The following CACNB2 variants were observed in gnomAD, a reference collection of about 807,000 sequenced individuals.
CACNB2 encodes the protein calcium voltage-gated channel auxiliary subunit beta 2, also known as voltage-dependent L-type calcium channel subunit beta-2.
CACNB2 carries 42 observed loss-of-function variants against 73.3 expected under a neutral mutation model. That is an observed-to-expected ratio of 0.57 (90% CI 0.45 to 0.74). The LOEUF (loss-of-function observed/expected upper bound fraction) is 0.74. Among genes scored for constraint, CACNB2 ranks in the 30% least tolerant of loss-of-function variants. CACNB2 has a pLI of 0.00. For synonymous variants in CACNB2, 348 were observed against 310.3 expected (o/e 1.12, Z -1.28); for missense variants, 940 against 853.0 (o/e 1.10, Z -1.27).
chr10:18,368,050 T>C (rs1234654609), intron 2 of CACNB2, among the ~76,000 whole-genome samples: 5 of 152,172 alleles, frequency 3.3e-5, no homozygotes, highest in Non-Finnish European at 7.4e-5. Context: ...TCACTTTTTG[T>C]CATATGGCCA....
Position 18,541,507 on chromosome 10 carries a change from G to C in CACNB2, c.*1783G>C, listed in dbSNP as rs1203999788. 3.3e-5 allele frequency: 5 copies of C among 152,128 alleles called. No individual in the cohort carries two copies. The highest frequency in any genetic ancestry group is 3.3e-4 in the Admixed American group (5 of 15,264). 9.4% of individuals were successfully genotyped at this position (152,128 alleles called of 1,614,324 possible). On this transcript the variant is annotated 3_prime_UTR_variant, in exon 14 of 14. Coordinates refer to ENST00000324631, the MANE Select transcript of CACNB2 (RefSeq NM_201596.3). ...TGCAAGTACCTGGCACTTGAAGTTTGTCCCAGGAAAATGCCTGTGTATAAT... is the reference window on the plus strand; with the variant it reads ...TGCAAGTACCTGGCACTTGAAGTTTCTCCCAGGAAAATGCCTGTGTATAAT...
rs2053973447 is a variant in CACNB2, at chr10:18,539,875, G to T, written c.*151G>T. 3 of 826,506 alleles carry T rather than the reference G, an allele frequency of 3.6e-6. No individual in the cohort carries two copies. Among genetic ancestry groups the T allele is most frequent in the African/African-American group, 3.4e-5 (2 of 58,308 alleles). 51.2% of individuals were successfully genotyped at this position (826,506 alleles called of 1,614,324 possible). ...TATTGCTGTTGCTTGAATAGCAATA[G>T]CATGGATAGAGTATTGAGATACTTT... On this transcript the variant is annotated 3_prime_UTR_variant, in exon 14 of 14. Transcript: ENST00000324631.
chr10:18,208,540 A>G (rs1028136811), intron 2 of CACNB2, among the ~76,000 whole-genome samples: 1 of 152,078 alleles, frequency 6.6e-6, no homozygotes, highest in Non-Finnish European at 1.5e-5. Context: ...TGAGCCCAGG[A>G]GTTGGAGGCT....
intron 3 of CACNB2, among the ~76,000 whole-genome samples, chr10:18,484,972 T>C (rs1192149893): frequency 1.3e-5 from 2 of 151,886 alleles, no homozygotes; most frequent in Non-Finnish European, 2.9e-5. Context: ...CTGGACAACA[T>C]AGTGAAACCC....
chr10:18,408,780 G>T (rs1221684490), intron 3 of CACNB2, among the ~76,000 whole-genome samples: 1 of 152,140 alleles, frequency 6.6e-6, no homozygotes, highest in Admixed American at 6.5e-5. Context: ...GTTCTTTAGG[G>T]ATGAGATTAT....
At chr10:18,450,535 C>A (rs187015417) in intron 3 of CACNB2, among the ~76,000 whole-genome samples, 1 of 152,124 alleles carries the variant, frequency 6.6e-6, no homozygotes, top group East Asian at 1.9e-4. Flanking sequence ...TGTTCCTTCT[C>A]ACTGCTTCTT....
chr10:18,328,608 T>C (rs1430064651), intron 2 of CACNB2, among the ~76,000 whole-genome samples: 1 of 152,204 alleles, frequency 6.6e-6, no homozygotes, highest in African/African-American at 2.4e-5. Context: ...ATTCACATCA[T>C]CAAAGACTGA....
chr10:18,385,715 C>A (rs2043205337), intron 2 of CACNB2, among the ~76,000 whole-genome samples: 1 of 151,254 alleles, frequency 6.6e-6, no homozygotes, highest in Non-Finnish European at 1.5e-5. Context: ...GAAAAATACT[C>A]TCTGATGGTT....
Position 18,523,439 on chromosome 10 carries a change from TTTTA to T in CACNB2, c.945-4144_945-4141del, listed in dbSNP as rs542673489. Among the ~76,000 whole-genome samples the T allele has an allele frequency of 2.8e-3, 430 of 152,286 alleles. 3 individuals carry two copies. The highest frequency in any genetic ancestry group is 9.9e-3 in the African/African-American group (410 of 41,558). On this transcript the variant is annotated intron_variant, in intron 9 of 13. Coordinates refer to ENST00000324631, the MANE Select transcript of CACNB2 (RefSeq NM_201596.3). ...CGAGTGTATCAGCCACCCAGATTGG[TTTTA>T]TTTAAGAAACAGATAAACAAAATAT...
At chr10:18,483,423 C>T (rs535470983) in intron 3 of CACNB2, among the ~76,000 whole-genome samples, 13 of 150,398 alleles carry the variant, frequency 8.6e-5, no homozygotes, top group Non-Finnish European at 8.9e-5. Flanking sequence ...CCCAGCTACT[C>T]GGGAGGCTGA....
chr10:18,169,207 T>A (rs1032508458), intron 2 of CACNB2, among the ~76,000 whole-genome samples: 10 of 150,658 alleles, frequency 6.6e-5, no homozygotes, highest in South Asian at 4.2e-4. Flanking sequence ...TTAAAAAAAA[T>A]AAGTTTAATT....
chr10:18,230,372 C>T (rs1358875467), intron 2 of CACNB2, among the ~76,000 whole-genome samples: 1 of 152,066 alleles, frequency 6.6e-6, no homozygotes, highest in Non-Finnish European at 1.5e-5. Context: ...GTTGCCTGTT[C>T]CCTCGATCTT....
chr10:18,150,853 G>GTATTTTTTTTTT lies in CACNB2; in HGVS notation c.121-29_121-28insATTTTTTTTTTT, dbSNP rs756678637. 3.1e-5 allele frequency: 20 copies of GTATTTTTTTTTT among 655,450 alleles called. 1 individual carries two copies. Among genetic ancestry groups the GTATTTTTTTTTT allele is most frequent in the East Asian group, 6.3e-5 (1 of 15,954 alleles). The allele number at this position is 655,450 out of a possible 1,614,324, so 40.6% of individuals were successfully genotyped here. A position where few individuals can be genotyped will look rare whatever the true frequency, so the allele number is the denominator to read the frequency against. On this transcript the variant is annotated intron_variant, in intron 1 of 13. Coordinates refer to ENST00000324631, the MANE Select transcript of CACNB2 (RefSeq NM_201596.3). ...AAAGGGTCTCATAATAATCTTATTTGTCTTTTTTTTTTTTTTTTTTTTTTT... is the reference window on the plus strand; with the variant it reads ...AAAGGGTCTCATAATAATCTTATTTGTATTTTTTTTTTTCTTTTTTTTTTTTTTTTTTTTTTT...
At chr10:18,264,428 A>G (rs1234206272) in intron 2 of CACNB2, among the ~76,000 whole-genome samples, 1 of 152,214 alleles carries the variant, frequency 6.6e-6, no homozygotes, top group Non-Finnish European at 1.5e-5. Flanking sequence ...AGCTTGAAGA[A>G]TGTTCTCAAA....
chr10:18,151,296 C>A, intron 2 of CACNB2: 1 of 255,970 alleles, frequency 3.9e-6, no homozygotes. Flanking sequence ...TTCAGTGGGA[C>A]AGAGAGCTGA....
intron 2 of CACNB2, chr10:18,261,192 G>A: frequency 6.5e-7 from 1 of 1,549,184 alleles, no homozygotes; most frequent in Non-Finnish European, 8.7e-7. Context: ...GGAAGAAATG[G>A]ACCGAGGCTG....
intron 2 of CACNB2, among the ~76,000 whole-genome samples, chr10:18,328,438 G>T (rs1307286944): frequency 6.6e-6 from 1 of 152,060 alleles, no homozygotes; most frequent in Non-Finnish European, 1.5e-5. Flanking sequence ...CTTTTGGCCT[G>T]GTTTATCCAC....
chr10:18,446,831 G>A (rs1350336745), intron 3 of CACNB2, among the ~76,000 whole-genome samples: 4 of 152,132 alleles, frequency 2.6e-5, no homozygotes, highest in Admixed American at 1.3e-4. Flanking sequence ...TTGGAAGGCC[G>A]AGGCAGGAGG....
intron 3 of CACNB2, among the ~76,000 whole-genome samples, chr10:18,423,941 A>G (rs954370510): frequency 1.3e-5 from 2 of 152,176 alleles, no homozygotes; most frequent in Non-Finnish European, 2.9e-5. Context: ...ATATCCCTAT[A>G]TAATAAAAAT....
Sources: gnomAD v4.1 joint callset for allele counts (sites outside exome capture counted in the v4.1 genomes callset) on GRCh38, gnomAD v4.1.1 for gene constraint, MANE v1.5 for transcripts, NCBI Gene and HGNC (gene_info 2026-07-23, HGNC 2026-07-21) for gene names.